DLC1: variants seen among roughly 807,000 people sequenced by gnomAD.
The protein encoded by DLC1 is rho GTPase-activating protein 7.
In DLC1, 54 loss-of-function variants were observed where a neutral mutation model predicts 140.3. That is an observed-to-expected ratio of 0.38 (90% CI 0.31 to 0.48). The LOEUF (loss-of-function observed/expected upper bound fraction) is 0.48, where lower values mean the gene tolerates loss of function less well. Ranked by LOEUF, DLC1 falls within the 20% of genes least tolerant of loss-of-function variation. DLC1 has a pLI of 0.96. For synonymous variants in DLC1, 986 were observed against 728.1 expected (o/e 1.35, Z -5.70); for missense variants, 2,536 against 1,907.0 (o/e 1.33, Z -6.14).
At chr8:13,559,248 G>T (rs892603517) in intron 1 of DLC1, 3 of 152,240 alleles carry the variant, frequency 2.0e-5, no homozygotes, top group Admixed American at 2.0e-4. Context: ...TGGGCGCAAA[G>T]AATGAGCTAT....
chr8:13,229,096 C>A (rs185545072), intron 5 of DLC1, among the ~76,000 whole-genome samples: 1 of 152,064 alleles, frequency 6.6e-6, no homozygotes, highest in Non-Finnish European at 1.5e-5. Context: ...CCAAGAGCAA[C>A]GAAAATGCAT....
intron 4 of DLC1, among the ~76,000 whole-genome samples, chr8:13,392,335 T>C (rs1199201335): frequency 6.6e-6 from 1 of 152,210 alleles, no homozygotes; most frequent in Non-Finnish European, 1.5e-5. Context: ...TGGCATATAG[T>C]AGATGTTCAA....
In DLC1 at chr8:13,604,220, C is replaced by G. The variant is rs564898911; in HGVS notation, c.-126+317G>C. Among the ~76,000 whole-genome samples, 193 of 152,214 alleles carry G rather than the reference C, an allele frequency of 1.3e-3. 2 individuals are homozygous for G. The highest frequency in any genetic ancestry group is 4.5e-3 in the African/African-American group (186 of 41,560). ...CTTTGAACTATGTAGCAGAAATCAT[C>G]TCTCCAAAAAATTATGTGACAGAGG... On this transcript the variant is annotated intron_variant, in intron 1 of 1. Transcript: ENST00000631382.
At chr8:13,129,041 C>G (rs980469436) in intron 5 of DLC1, among the ~76,000 whole-genome samples, 1 of 148,188 alleles carries the variant, frequency 6.7e-6, no homozygotes, top group Non-Finnish European at 1.5e-5. Flanking sequence ...AACACAAGGT[C>G]CCACAGAAGG....
At chr8:13,219,067 A>ATT in intron 5 of DLC1, among the ~76,000 whole-genome samples, 1 of 102,600 alleles carries the variant, frequency 9.7e-6, no homozygotes, top group Non-Finnish European at 1.8e-5. Flanking sequence ...TAATTACGTG[A>ATT]ATATAATTAT....
At chr8:13,393,727 A>G (rs1388239586) in intron 3 of DLC1, 34 bp from the exon 4 acceptor site, 10 of 1,591,424 alleles carry the variant, frequency 6.3e-6, no homozygotes, top group Non-Finnish European at 8.6e-6. Flanking sequence ...TATGAAGGAC[A>G]TGTGAATGTT....
intron 2 of DLC1, among the ~76,000 whole-genome samples, chr8:13,428,022 C>T (rs1477182611): frequency 1.3e-5 from 2 of 152,084 alleles, no homozygotes; most frequent in East Asian, 3.9e-4. Context: ...GTGCAGGTGG[C>T]TTCGGGGAGC....
chr8:13,525,453 C>G (rs1802891360), intron 1 of DLC1, among the ~76,000 whole-genome samples: 1 of 152,152 alleles, frequency 6.6e-6, no homozygotes, highest in South Asian at 2.1e-4. Context: ...ATTACCACCA[C>G]CGATTTCTAA....
At chr8:13,480,210 A>G (rs1800659153) in intron 2 of DLC1, among the ~76,000 whole-genome samples, 9 of 152,232 alleles carry the variant, frequency 5.9e-5, no homozygotes, top group Admixed American at 5.9e-4. Flanking sequence ...ACAGTTAAAT[A>G]TGTTTGATTA....
chr8:13,539,567 G>T (rs150152093), intron 1 of DLC1, among the ~76,000 whole-genome samples: 1 of 152,134 alleles, frequency 6.6e-6, no homozygotes, highest in Non-Finnish European at 1.5e-5. Flanking sequence ...AACAGGAGGC[G>T]CAGTGCCCTT....
chr8:13,367,347 G>A (rs182066176), intron 4 of DLC1, among the ~76,000 whole-genome samples: 1 of 152,210 alleles, frequency 6.6e-6, no homozygotes, highest in East Asian at 1.9e-4. Context: ...TGCTGGCAGT[G>A]ATTCTACACT....
chr8:13,521,531 G>A (rs550320193), intron 1 of DLC1, among the ~76,000 whole-genome samples: 1 of 152,282 alleles, frequency 6.6e-6, no homozygotes, highest in East Asian at 1.9e-4. Context: ...TGGGATAGAA[G>A]GTGCAACTGC....
chr8:13,395,694 G>A (rs1837006196), intron 3 of DLC1, among the ~76,000 whole-genome samples: 1 of 152,010 alleles, frequency 6.6e-6, no homozygotes, highest in Non-Finnish European at 1.5e-5. Context: ...CAGTTGGAAG[G>A]GTACAAAAGA....
intron 5 of DLC1, among the ~76,000 whole-genome samples, chr8:13,118,035 A>G (rs1313782610): frequency 7.7e-6 from 1 of 130,322 alleles, no homozygotes; most frequent in Non-Finnish European, 1.5e-5. Flanking sequence ...TTTGAGACAG[A>G]GTCTTGCTCA....
At chr8:13,599,185 C>A (rs1480208647) in intron 1 of DLC1, among the ~76,000 whole-genome samples, 1 of 150,982 alleles carries the variant, frequency 6.6e-6, no homozygotes, top group South Asian at 2.1e-4. Flanking sequence ...GTGAATAAGA[C>A]AAAGGGAAGA....
rs532306106 is a variant in DLC1 at position 13,591,529 on chromosome 8, C to T, written c.-126+13008G>A. Among the ~76,000 whole-genome samples, 9 of 152,160 alleles carry T rather than the reference C, an allele frequency of 5.9e-5. No individual in the cohort carries two copies. The East Asian group carries it at 9.7e-4, about 16-fold the overall frequency. On this transcript the variant is annotated intron_variant, in intron 1 of 1. Coordinates refer to the DLC1 transcript ENST00000631382. ...TGAGGCCTCCCTAGCCATGCAGAAC[C>T]GTGAGTCAATTAAACCTCTTTTCTT...
At chr8:13,453,774 T>C (rs1375539132) in intron 2 of DLC1, among the ~76,000 whole-genome samples, 1 of 151,490 alleles carries the variant, frequency 6.6e-6, no homozygotes, top group African/African-American at 2.4e-5. Context: ...GAACTACTAT[T>C]TTACAGTTAA....
chr8:13,113,853 G>T (rs1021478050), intron 6 of DLC1, among the ~76,000 whole-genome samples: 2 of 152,182 alleles, frequency 1.3e-5, no homozygotes, highest in African/African-American at 4.8e-5. Flanking sequence ...ATTTTACACG[G>T]TCTAACAATA....
Position 13,342,590 on chromosome 8 carries a change from C to T in DLC1, c.1315-37288G>A, listed in dbSNP as rs576752777. 3.3e-5 allele frequency: 5 copies of T among 152,122 alleles called. 1 individual carries two copies. The highest frequency in any genetic ancestry group is 3.3e-4 in the Admixed American group (5 of 15,266). 9.4% of individuals were successfully genotyped at this position (152,122 alleles called of 1,614,324 possible). ...TTTCCTGAAGAGGAAGGAATTCTGC[C>T]CTAAGACCGCAACATAGAAATCCTG... On this transcript the variant is annotated intron_variant, in intron 4 of 17. Transcript: ENST00000276297.
Sources: allele counts gnomAD v4.1 joint callset (sites outside exome capture counted in the v4.1 genomes callset), GRCh38; gene constraint gnomAD v4.1.1; transcripts MANE v1.5; gene names NCBI Gene and HGNC (gene_info 2026-07-23, HGNC 2026-07-21).